Variants in EDEM1 observed in about 807,000 individuals in gnomAD.
The protein encoded by EDEM1 is ER degradation enhancing alpha-mannosidase like protein 1, also known as ER degradation-enhancing alpha-mannosidase-like protein 1.
A neutral mutation model predicts 74.4 loss-of-function variants in EDEM1; 67 were observed. That is an observed-to-expected ratio of 0.90 (90% CI 0.74 to 1.10). The LOEUF (loss-of-function observed/expected upper bound fraction) is 1.10. EDEM1 is among the 50% of genes least tolerant of loss of function. EDEM1 has a pLI of 0.00. For synonymous variants in EDEM1, 382 were observed against 335.9 expected, an observed-to-expected ratio of 1.14 and a Z score of -1.50; for missense variants, 926 against 851.6, an observed-to-expected ratio of 1.09 and a Z score of -1.09.
At chr3:5,206,680 T>C (rs2055100897) in intron 6 of EDEM1, among the ~76,000 whole-genome samples, 1 of 152,214 alleles carries the variant, frequency 6.6e-6, no homozygotes, top group South Asian at 2.1e-4. Flanking sequence ...TTATTTATTT[T>C]TGCTTTTCAA....
chr3:5,187,889 G>A lies in EDEM1; in HGVS notation c.84G>A (p.Gly28=), dbSNP rs1306466255. ...TATTGTGGCTCGTCTTCGGGCTGGG[G>A]CCCAGCATGGGCTTCTACCAGCGCT... The part of the protein sequence containing the change: ...HGVLWLVFGL[G]PSMGFYQRFP... The change falls in exon 1 of 12, where the codon GGG becomes GGA. Residue 28 remains glycine (G), a synonymous_variant. Transcript: ENST00000256497. 6.3e-7 allele frequency: 1 copy of A among 1,597,772 alleles called. No homozygotes were observed. The highest frequency in any genetic ancestry group is 1.4e-5 in the African/African-American group (1 of 73,616).
At position 5,205,244 on chromosome 3, in the gene EDEM1, A is replaced by C; in HGVS notation, c.1217+3A>C. On this transcript the variant is annotated splice_donor_region_variant and intron_variant, in intron 6 of 11. Coordinates refer to ENST00000256497, the MANE Select transcript of EDEM1 (RefSeq NM_014674.3). Reference sequence around the variant, plus strand: ...ATTCAGAACTACTTAAGAAGAGGGTATGTCTCCCTAACATCTCCTCTGTTG... The same window carrying C: ...ATTCAGAACTACTTAAGAAGAGGGTCTGTCTCCCTAACATCTCCTCTGTTG... The C allele has an allele frequency of 6.2e-7, 1 of 1,611,836 alleles. No homozygotes were observed. The highest frequency in any genetic ancestry group is 8.5e-7 in the Non-Finnish European group (1 of 1,178,762).
At chr3:5,201,989 G>C (rs1344708830) in intron 4 of EDEM1, 65 bp downstream of exon 4, 1 of 1,535,938 alleles carries the variant, frequency 6.5e-7, no homozygotes, top group Non-Finnish European at 8.8e-7. Context: ...AAAATTCTTT[G>C]CTTACTAATT....
intron 10 of EDEM1, among the ~76,000 whole-genome samples, chr3:5,212,460 G>A (rs1338776859): frequency 6.6e-6 from 1 of 152,190 alleles, no homozygotes; most frequent in African/African-American, 2.4e-5. Context: ...ACGTTAACAG[G>A]GCGAGTTTTA....
chr3:5,215,748 C>T (rs2055226657), intron 11 of EDEM1, 81 bp from the exon 12 acceptor site: 1 of 1,301,282 alleles, frequency 7.7e-7, no homozygotes, highest in Non-Finnish European at 1.1e-6. Context: ...GGCTGAGAAA[C>T]CCTGGATTAA....
rs561216083 is a variant in EDEM1 at position 5,190,529 on chromosome 3, CAT to C, written c.509+2216_509+2217del. On this transcript the variant is annotated intron_variant, in intron 1 of 11. Transcript: ENST00000256497. Reference sequence around the variant, plus strand: ...TTTAACTTGCTGGTCTTTGTGGTATCATGTGTGCTGTTGGCCTTTATTTCAGG... The same window carrying C: ...TTTAACTTGCTGGTCTTTGTGGTATCGTGTGCTGTTGGCCTTTATTTCAGG... Among the ~76,000 whole-genome samples the C allele has an allele frequency of 6.9e-3, 1,057 of 152,302 alleles. 8 individuals carry two copies. The highest frequency in any genetic ancestry group is 0.013 in the Non-Finnish European group (865 of 68,034).
At chr3:5,211,508 C>T in intron 10 of EDEM1, 1 of 319,326 alleles carries the variant, frequency 3.1e-6, no homozygotes, top group Non-Finnish European at 6.1e-6. Flanking sequence ...TATCTAACTA[C>T]AGGTGGTCGG....
chr3:5,215,761 C>T, intron 11 of EDEM1, 68 bp from the exon 12 acceptor site: 2 of 1,382,426 alleles, frequency 1.4e-6, no homozygotes, highest in East Asian at 2.3e-5. Context: ...TGGATTAAGT[C>T]ATCCAGTCAC....
intron 11 of EDEM1, 150 bp from the exon 12 acceptor site, chr3:5,215,679 C>T (rs949737048): frequency 7.3e-5 from 50 of 683,364 alleles, no homozygotes; most frequent in African/African-American, 5.0e-4. Flanking sequence ...TGCTGCTGAC[C>T]GTCCTGCAGT....
chr3:5,195,871 G>A (rs369715943), intron 2 of EDEM1, among the ~76,000 whole-genome samples: 1 of 152,264 alleles, frequency 6.6e-6, no homozygotes, highest in African/African-American at 2.4e-5. Context: ...GAGCAGATAT[G>A]CAGAAGCACC....
chr3:5,209,882 A>G (rs571219608), intron 8 of EDEM1, among the ~76,000 whole-genome samples: 2 of 152,252 alleles, frequency 1.3e-5, no homozygotes, highest in East Asian at 3.9e-4. Flanking sequence ...CAGCGTGGGC[A>G]TTGTTTTGTT....
intron 2 of EDEM1, 91 bp from the exon 3 acceptor site, chr3:5,199,497 TACAG>T (rs2055008571): frequency 1.2e-6 from 1 of 838,442 alleles, no homozygotes; most frequent in Non-Finnish European, 1.9e-6. Context: ...CAAAACCACA[TACAG>T]ACATTTAGGT....
chr3:5,214,054 A>G (rs570817098), intron 11 of EDEM1, among the ~76,000 whole-genome samples: 15 of 152,244 alleles, frequency 9.9e-5, no homozygotes, highest in Non-Finnish European at 1.5e-4. Context: ...GATGGTCCCA[A>G]TGAAGATGCT....
At chr3:5,203,504 T>A (rs2055058452) in intron 5 of EDEM1, among the ~76,000 whole-genome samples, 1 of 152,156 alleles carries the variant, frequency 6.6e-6, no homozygotes, top group Admixed American at 6.5e-5. Context: ...ATGGAGCAGC[T>A]TTTTCCTTTT....
At chr3:5,214,276 AT>A (rs2055203584) in intron 11 of EDEM1, among the ~76,000 whole-genome samples, 1 of 152,208 alleles carries the variant, frequency 6.6e-6, no homozygotes, top group Non-Finnish European at 1.5e-5. Flanking sequence ...AAATCTTGTT[AT>A]CCCCCAGGGC....
At chr3:5,200,479 A>G (rs1393057691) in intron 3 of EDEM1, among the ~76,000 whole-genome samples, 1 of 151,300 alleles carries the variant, frequency 6.6e-6, no homozygotes, top group Non-Finnish European at 1.5e-5. Flanking sequence ...CTTTTTCTCT[A>G]TTTGTTTAGT....
intron 2 of EDEM1, among the ~76,000 whole-genome samples, chr3:5,198,888 A>C (rs192825145): frequency 7.2e-5 from 11 of 152,120 alleles, no homozygotes; most frequent in Non-Finnish European, 1.3e-4. Context: ...GATTCAGGTT[A>C]ATCTATAAAG....
At position 5,204,302 on chromosome 3, in the gene EDEM1, G is replaced by T. The variant is rs966741570; in HGVS notation, c.1043-765G>T. On this transcript the variant is annotated intron_variant, in intron 5 of 11. Transcript: ENST00000256497. ...TTGGCAGATCATTTGTTTCCAGGTT[G>T]TTGCCTTGCATTCATAATGACCACT... Among the ~76,000 whole-genome samples the T allele has an allele frequency of 5.3e-5, 8 of 151,756 alleles. No individual in the cohort carries two copies. In the South Asian group the frequency reaches 8.3e-4, roughly 16 times the overall value.
chr3:5,197,534 C>T (rs1422982372), intron 2 of EDEM1, among the ~76,000 whole-genome samples: 2 of 152,192 alleles, frequency 1.3e-5, no homozygotes, highest in Non-Finnish European at 2.9e-5. Context: ...GATTTGAGCT[C>T]CTGTCAGCAC....
Sources: allele counts gnomAD v4.1 joint callset (sites outside exome capture counted in the v4.1 genomes callset), GRCh38; gene constraint gnomAD v4.1.1; transcripts MANE v1.5; gene names NCBI Gene and HGNC (gene_info 2026-07-23, HGNC 2026-07-21).